LYSMD2: variants seen among roughly 807,000 people sequenced by gnomAD.
The protein encoded by LYSMD2 is lysM and putative peptidoglycan-binding domain-containing protein 2.
In LYSMD2, 6 loss-of-function variants were observed where a neutral mutation model predicts 17.7. The observed-to-expected ratio is 0.34, with a 90% confidence interval of 0.19 to 0.67. LYSMD2 has a LOEUF of 0.67. Ranked by LOEUF, LYSMD2 falls within the 30% of genes least tolerant of loss-of-function variation. LYSMD2 has a pLI of 0.69. For missense variants in LYSMD2, 237 were observed against 286.7 expected, an observed-to-expected ratio of 0.83 and a Z score of 1.25; for synonymous variants, 102 against 129.8, an observed-to-expected ratio of 0.79 and a Z score of 1.45.
At chr15:51,739,279 G>A (rs1249409798), upstream of LYSMD2, among the ~76,000 whole-genome samples, 1 of 152,138 alleles carries the variant, frequency 6.6e-6, no homozygotes, top group Non-Finnish European at 1.5e-5. Context: ...ACGTGCTCCT[G>A]GGAGGCATAA....
intron 1 of LYSMD2, among the ~76,000 whole-genome samples, chr15:51,733,351 C>T (rs2055588357): frequency 6.6e-6 from 1 of 151,602 alleles, no homozygotes; most frequent in South Asian, 2.1e-4. Context: ...CTTACTGTCT[C>T]CACTAACTAA....
chr15:51,746,476 A>G (rs1265109667), intron 1 of LYSMD2, among the ~76,000 whole-genome samples: 1 of 152,254 alleles, frequency 6.6e-6, no homozygotes, highest in African/African-American at 2.4e-5. Context: ...AATGAGTGCT[A>G]ACATGTCTGT....
chr15:51,743,722 A>G (rs2055654002), intron 1 of LYSMD2, among the ~76,000 whole-genome samples: 1 of 152,238 alleles, frequency 6.6e-6, no homozygotes, highest in African/African-American at 2.4e-5. Context: ...GTGACATCCT[A>G]GCAATATTGA....
chr15:51,728,315 A>T (rs1207225551), intron 1 of LYSMD2, among the ~76,000 whole-genome samples: 2 of 151,828 alleles, frequency 1.3e-5, no homozygotes, highest in African/African-American at 4.8e-5. Flanking sequence ...GCTACTCGGG[A>T]GCCTGAGGCA....
intron 1 of LYSMD2, among the ~76,000 whole-genome samples, chr15:51,735,477 G>A (rs998515113): frequency 3.3e-5 from 5 of 152,170 alleles, no homozygotes; most frequent in African/African-American, 7.2e-5. Context: ...GGACAACCCC[G>A]TGCAACAAAG....
chr15:51,737,441 G>A lies in LYSMD2; in HGVS notation c.182C>T (p.Pro61Leu), dbSNP rs762505010. The change falls in exon 1 of 3, where the codon CCG becomes CTG. Residue 61 changes from proline to leucine, a missense_variant. Physicochemically the swap from Pro to Leu is moderately conservative, Grantham distance 98. Coordinates refer to ENST00000267838, the MANE Select transcript of LYSMD2 (RefSeq NM_153374.3). This position sits in a 1 kb window ranked among gnomAD's most constrained non-coding sequence, Gnocchi z 4.2. Reference protein sequence around the residue: ...SYGSTASVRAPLGAGVIERHV... With the variant: ...SYGSTASVRALLGAGVIERHV... ...GCGCTCGATGACGCCGGCGCCCAGC[G>A]GCGCCCGCACGCTGGCGGTGCTGCC... The A allele has an allele frequency of 3.5e-6, 5 of 1,432,458 alleles. No homozygotes were observed. In the East Asian group the frequency reaches 1.5e-4, roughly 44 times the overall value. 88.7% of individuals were successfully genotyped at this position (1,432,458 alleles called of 1,614,324 possible). A position where few individuals can be genotyped will look rare whatever the true frequency, so the allele number is the denominator to read the frequency against.
At position 51,731,040 on chromosome 15, in the gene LYSMD2, G is replaced by C. The variant is rs150720847; in HGVS notation, c.274-5919C>G. Among the ~76,000 whole-genome samples the C allele has an allele frequency of 4.6e-5, 7 of 152,310 alleles. No individual in the cohort carries two copies. The East Asian group carries it at 7.7e-4, about 17-fold the overall frequency. ...AATGTCCAAAAAAGGCAAATCTATA[G>C]ATTAGAAAGCATATTGGTGGTAGTC... On this transcript the variant is annotated intron_variant, in intron 1 of 2. Coordinates refer to ENST00000267838, the MANE Select transcript of LYSMD2 (RefSeq NM_153374.3).
intron 1 of LYSMD2, among the ~76,000 whole-genome samples, chr15:51,744,088 T>G (rs1200784975): frequency 6.6e-6 from 1 of 152,200 alleles, no homozygotes; most frequent in African/African-American, 2.4e-5. Context: ...TATCTATGAA[T>G]AAAGACAGTT....
At chr15:51,748,253 C>T (rs567089786) in intron 1 of LYSMD2, among the ~76,000 whole-genome samples, 1 of 106,692 alleles carries the variant, frequency 9.4e-6, no homozygotes, top group South Asian at 2.9e-4. Flanking sequence ...CAGAACAAGA[C>T]TCCGTCTCAA....
At chr15:51,729,879 A>T (rs2055565701) in intron 1 of LYSMD2, among the ~76,000 whole-genome samples, 1 of 152,226 alleles carries the variant, frequency 6.6e-6, no homozygotes, top group Non-Finnish European at 1.5e-5. Context: ...AAAACTCTAT[A>T]GCTTTCCCAC....
intron 1 of LYSMD2, among the ~76,000 whole-genome samples, chr15:51,729,318 T>C (rs2055561335): frequency 6.6e-6 from 1 of 152,208 alleles, no homozygotes; most frequent in South Asian, 2.1e-4. Context: ...CATGATCTGA[T>C]CACAGTTAAA....
intron 1 of LYSMD2, among the ~76,000 whole-genome samples, chr15:51,729,553 G>A (rs923519944): frequency 5.3e-5 from 8 of 152,204 alleles, no homozygotes; most frequent in Admixed American, 3.3e-4. Flanking sequence ...CTTCCTCCCG[G>A]GTTTAAGCTA....
chr15:51,746,435 G>T (rs1317882358), intron 1 of LYSMD2, among the ~76,000 whole-genome samples: 1 of 152,192 alleles, frequency 6.6e-6, no homozygotes, highest in African/African-American at 2.4e-5. Context: ...ATTTGTGATT[G>T]CCAGAGTCTG....
At chr15:51,740,479 A>G (rs2055637436), upstream of LYSMD2, among the ~76,000 whole-genome samples, 1 of 152,248 alleles carries the variant, frequency 6.6e-6, no homozygotes, top group Non-Finnish European at 1.5e-5. Flanking sequence ...CCTCTATTTA[A>G]CATTGTTTTG....
intron 1 of LYSMD2, among the ~76,000 whole-genome samples, chr15:51,745,550 C>G (rs1595855297): frequency 6.6e-6 from 1 of 152,142 alleles, no homozygotes; most frequent in South Asian, 2.1e-4. Context: ...ATCCAGCACC[C>G]TTTTGTTATA....
At chr15:51,731,213 T>C (rs1014302746) in intron 1 of LYSMD2, among the ~76,000 whole-genome samples, 6 of 152,208 alleles carry the variant, frequency 3.9e-5, no homozygotes, top group African/African-American at 1.4e-4. Context: ...ACACTTAAGA[T>C]GGGTGAATTT....
chr15:51,726,871 G>C (rs2055543340), intron 1 of LYSMD2, among the ~76,000 whole-genome samples: 1 of 152,210 alleles, frequency 6.6e-6, no homozygotes. Flanking sequence ...ACTGCTAATA[G>C]TCATTGCTTC....
chr15:51,744,465 T>C (rs2055657638), intron 1 of LYSMD2, among the ~76,000 whole-genome samples: 1 of 152,170 alleles, frequency 6.6e-6, no homozygotes, highest in Admixed American at 6.5e-5. Flanking sequence ...TTTTGAATGT[T>C]GAACCAGCCT....
At position 51,746,663 on chromosome 15, in the gene LYSMD2, T is replaced by C. The variant is rs144683386; in HGVS notation, c.-1+4608A>G. Among the ~76,000 whole-genome samples the C allele has an allele frequency of 1.7e-3, 266 of 152,082 alleles. 11 individuals carry two copies. The highest frequency in any genetic ancestry group is 0.017 in the East Asian group (87 of 5,176). Reference sequence around the variant, plus strand: ...AGAGAGAGAGAAAGAGAGAGAATGGTTTAATAAAGCTCCAACACTCAGCTT... The same window carrying C: ...AGAGAGAGAGAAAGAGAGAGAATGGCTTAATAAAGCTCCAACACTCAGCTT... On this transcript the variant is annotated intron_variant, in intron 1 of 2. Transcript: ENST00000454181.
Sources: allele counts gnomAD v4.1 joint callset (sites outside exome capture counted in the v4.1 genomes callset), GRCh38; gene constraint gnomAD v4.1.1; non-coding constraint Gnocchi (gnomAD v3.1); transcripts MANE v1.5; gene names NCBI Gene and HGNC (gene_info 2026-07-23, HGNC 2026-07-21).